USP8: variants seen among roughly 807,000 people sequenced by gnomAD.
USP8 encodes ubiquitin specific peptidase 8.
A neutral mutation model predicts 130.0 loss-of-function variants in USP8; 27 were observed. The observed-to-expected ratio is 0.21, with a 90% confidence interval of 0.15 to 0.29. The LOEUF (loss-of-function observed/expected upper bound fraction) is 0.29. USP8 is among the 10% of genes least tolerant of loss of function. USP8 has a pLI of 1.00. For missense variants in USP8, 1,029 were observed against 1,312.2 expected, an observed-to-expected ratio of 0.78 and a Z score of 3.33; for synonymous variants, 392 against 444.1, an observed-to-expected ratio of 0.88 and a Z score of 1.48.
intron 3 of USP8, among the ~76,000 whole-genome samples, chr15:50,446,680 G>A (rs939930934): frequency 2.0e-5 from 3 of 152,158 alleles, no homozygotes; most frequent in Non-Finnish European, 4.4e-5. Context: ...CATAGTGAAG[G>A]GTCCTTCTAG....
chr15:50,451,496 A>G (rs2050628109), intron 4 of USP8, among the ~76,000 whole-genome samples: 1 of 152,258 alleles, frequency 6.6e-6, no homozygotes, highest in Non-Finnish European at 1.5e-5. Flanking sequence ...ATGGCCTGAT[A>G]GAATGGCCCA....
chr15:50,463,402 C>T (rs558423258), intron 6 of USP8: 8 of 152,342 alleles, frequency 5.3e-5, no homozygotes, highest in East Asian at 1.9e-4. Flanking sequence ...TACCACCTAA[C>T]GCGCCCGATC....
rs780515524 is a variant in USP8, at chr15:50,492,778, G to A, written c.2312G>A (p.Gly771Asp). 1.2e-6 allele frequency: 2 copies of A among 1,614,028 alleles called. No individual in the cohort carries two copies. Among genetic ancestry groups the A allele is most frequent in the African/African-American group, 1.3e-5 (1 of 74,914 alleles). The stretch of plus-strand genomic sequence containing the variant: ...CGGAACCTCAATCCTGTTTTTGGAG[G>A]TTCTGGACCAGCTCTTACTGGACTT... The part of the protein sequence containing the change: ...QIRNLNPVFG[G>D]SGPALTGLRN... Residue 771 changes from glycine to aspartate, a missense_variant, in exon 15 of 20, where the codon GGT (glycine) becomes GAT (aspartate). This residue lies in a region of USP8 where 257 missense variants were observed against 429.8 expected (regional missense o/e 0.60). Transcript: ENST00000307179.
At chr15:50,466,526 C>T (rs2051192913) in intron 7 of USP8, among the ~76,000 whole-genome samples, 1 of 149,064 alleles carries the variant, frequency 6.7e-6, no homozygotes, top group Non-Finnish European at 1.5e-5. Context: ...ACCCGGGAGG[C>T]GGAGGTTGCA....
At chr15:50,482,556 T>A (rs1296288076) in intron 11 of USP8, among the ~76,000 whole-genome samples, 2 of 152,232 alleles carry the variant, frequency 1.3e-5, no homozygotes, top group Non-Finnish European at 2.9e-5. Flanking sequence ...GCTTTATCTA[T>A]TTAAATAATA....
intron 10 of USP8, among the ~76,000 whole-genome samples, chr15:50,481,087 T>C (rs544189977): frequency 6.6e-6 from 1 of 152,216 alleles, no homozygotes; most frequent in East Asian, 1.9e-4. Context: ...TGAATCCGTT[T>C]TGGCTGTATG....
intron 8 of USP8, among the ~76,000 whole-genome samples, chr15:50,473,723 T>G (rs2051459352): frequency 6.6e-6 from 1 of 151,976 alleles, no homozygotes; most frequent in African/African-American, 2.4e-5. Flanking sequence ...AGTCTCAAAC[T>G]CCTGGCCTCA....
intron 1 of USP8, among the ~76,000 whole-genome samples, chr15:50,429,100 A>G (rs1159983107): frequency 6.6e-6 from 1 of 152,192 alleles, no homozygotes; most frequent in Non-Finnish European, 1.5e-5. Context: ...TTTTTTATTT[A>G]ATATTCTTGG....
At chr15:50,445,454 G>A (rs2050396025) in intron 3 of USP8, among the ~76,000 whole-genome samples, 1 of 146,194 alleles carries the variant, frequency 6.8e-6, no homozygotes, top group South Asian at 2.2e-4. Context: ...GCTGAGGCAG[G>A]GGAATCGCTT....
At chr15:50,461,133 T>C (rs183656302) in intron 5 of USP8, among the ~76,000 whole-genome samples, 12 of 152,160 alleles carry the variant, frequency 7.9e-5, no homozygotes, top group Non-Finnish European at 1.5e-4. Flanking sequence ...ACTGGAATTA[T>C]AGGAATGCAC....
chr15:50,489,502 A>C (rs1418686649), intron 12 of USP8: 1 of 159,852 alleles, frequency 6.3e-6, no homozygotes, highest in Non-Finnish European at 1.4e-5. Flanking sequence ...ATTTGCTTGG[A>C]TCCACTGTCT....
chr15:50,469,392 A>G (rs1397466479), intron 7 of USP8, among the ~76,000 whole-genome samples: 1 of 152,180 alleles, frequency 6.6e-6, no homozygotes, highest in Admixed American at 6.5e-5. Flanking sequence ...GTTGGCTGAT[A>G]CTGTTGTTTC....
chr15:50,453,841 CT>C (rs1327066625), intron 4 of USP8, among the ~76,000 whole-genome samples: 2 of 136,410 alleles, frequency 1.5e-5, no homozygotes, highest in African/African-American at 5.3e-5. Context: ...TTATGTCCCT[CT>C]TTACCTCTGG....
chr15:50,443,575 C>G (rs1288159086), intron 3 of USP8, among the ~76,000 whole-genome samples: 2 of 151,474 alleles, frequency 1.3e-5, no homozygotes, highest in Non-Finnish European at 2.9e-5. Flanking sequence ...CCTCTGCCTC[C>G]CAGGTTCAAG....
rs946166795 is a variant in USP8, at chr15:50,506,812, G to A, written c.*7724G>A. The A allele has an allele frequency of 1.3e-5, 2 of 151,954 alleles. No homozygotes were observed. Among genetic ancestry groups the A allele is most frequent in the Non-Finnish European group, 2.9e-5 (2 of 68,152 alleles). 9.4% of individuals were successfully genotyped at this position (151,954 alleles called of 1,614,324 possible). On this transcript the variant is annotated 3_prime_UTR_variant, in exon 20 of 20. Transcript: ENST00000307179. ...ATCTCTACAAAAATACAAAAAATTA[G>A]CCGGGCATGGTGGCAGGCGCCTATA...
In USP8 at chr15:50,506,272, C is replaced by T. The variant is rs776925533; in HGVS notation, c.*7184C>T. The T allele has an allele frequency of 1.3e-5, 2 of 152,284 alleles. No individual in the cohort carries two copies. Among genetic ancestry groups the T allele is most frequent in the African/African-American group, 2.4e-5 (1 of 41,430 alleles). The allele number at this position is 152,284 out of a possible 1,614,324, so 9.4% of individuals were successfully genotyped here. On this transcript the variant is annotated 3_prime_UTR_variant, in exon 20 of 20. Coordinates refer to ENST00000307179, the MANE Select transcript of USP8 (RefSeq NM_005154.5). Reference sequence around the variant, plus strand: ...CAGGACCTGGCTGCACAGCAGGAAGCGAGCGGCAAACCTACCCTGAGCACC... The same window carrying T: ...CAGGACCTGGCTGCACAGCAGGAAGTGAGCGGCAAACCTACCCTGAGCACC...
intron 1 of USP8, among the ~76,000 whole-genome samples, chr15:50,428,523 T>C (rs2049821046): frequency 6.6e-6 from 1 of 152,242 alleles, no homozygotes; most frequent in African/African-American, 2.4e-5. Flanking sequence ...GAACCCTATA[T>C]ATACTATGTT....
At chr15:50,486,834 C>G (rs991662261) in intron 12 of USP8, among the ~76,000 whole-genome samples, 3 of 152,104 alleles carry the variant, frequency 2.0e-5, no homozygotes, top group African/African-American at 7.2e-5. Flanking sequence ...CAAATCACCA[C>G]TAAAGAACTT....
At chr15:50,495,429 G>A (rs2052353437) in intron 16 of USP8, among the ~76,000 whole-genome samples, 1 of 150,880 alleles carries the variant, frequency 6.6e-6, no homozygotes, top group Non-Finnish European at 1.5e-5. Context: ...GCTATATGTG[G>A]GATATCTTTT....
Sources: allele counts gnomAD v4.1 joint callset (sites outside exome capture counted in the v4.1 genomes callset), GRCh38; gene constraint gnomAD v4.1.1; regional missense constraint gnomAD v4.1.1; transcripts MANE v1.5; gene names NCBI Gene and HGNC (gene_info 2026-07-23, HGNC 2026-07-21).